Variants in PIWIL2 observed in about 807,000 individuals in gnomAD.
PIWIL2 encodes piwi like RNA-mediated gene silencing 2, also known as piwi-like protein 2.
Under a neutral mutation model 116.5 loss-of-function variants are expected in PIWIL2, and 81 were observed. The observed-to-expected ratio is 0.70, with a 90% confidence interval of 0.58 to 0.84. PIWIL2 has a LOEUF of 0.84. Among genes scored for constraint, PIWIL2 ranks in the 40% least tolerant of loss-of-function variants. The pLI is 0.00. For missense variants in PIWIL2, 1,272 were observed against 1,212.3 expected (o/e 1.05, Z -0.73); for synonymous variants, 489 against 429.5 (o/e 1.14, Z -1.71).
At chr8:22,288,509 A>G (rs372475561) in intron 7 of PIWIL2, 33 bp from the exon 8 acceptor site, 119 of 1,589,440 alleles carry the variant, frequency 7.5e-5, no homozygotes, top group Non-Finnish European at 9.1e-5. Flanking sequence ...TAGTTTTGTC[A>G]TTTTGTTTCA....
chr8:22,313,737 T>C (rs1831388132), intron 16 of PIWIL2, among the ~76,000 whole-genome samples: 1 of 152,188 alleles, frequency 6.6e-6, no homozygotes, highest in African/African-American at 2.4e-5. Context: ...CTTTTTTCAA[T>C]ATTGGATTCC....
At chr8:22,302,468 T>C (rs1831074094) in intron 10 of PIWIL2, among the ~76,000 whole-genome samples, 1 of 152,212 alleles carries the variant, frequency 6.6e-6, no homozygotes, top group South Asian at 2.1e-4. Context: ...TGTGAGCTAC[T>C]GCGCCCAGCC....
chr8:22,280,891 C>T (rs1294767056), intron 2 of PIWIL2, among the ~76,000 whole-genome samples: 3 of 152,078 alleles, frequency 2.0e-5, no homozygotes, highest in Non-Finnish European at 4.4e-5. Flanking sequence ...TGTTCTGTTG[C>T]ATTTTGTTAT....
intron 16 of PIWIL2, among the ~76,000 whole-genome samples, chr8:22,312,759 G>A (rs1831364377): frequency 6.6e-6 from 1 of 152,068 alleles, no homozygotes; most frequent in African/African-American, 2.4e-5. Flanking sequence ...TCCTGCCTCA[G>A]CCTTCTGAGT....
intron 20 of PIWIL2, among the ~76,000 whole-genome samples, chr8:22,345,045 G>A (rs900028849): frequency 2.0e-5 from 3 of 152,206 alleles, no homozygotes; most frequent in African/African-American, 7.2e-5. Context: ...GGGCTTAGAG[G>A]TGCAAGCCTG....
rs1218303089 is a variant in PIWIL2, at chr8:22,347,516, C to CTTTTTT, written c.2404-5424_2404-5419dup. Among the ~76,000 whole-genome samples, 61 of 98,476 alleles carry CTTTTTT rather than the reference C, an allele frequency of 6.2e-4. 1 individual carries two copies. The highest frequency in any genetic ancestry group is 8.3e-4 in the African/African-American group (23 of 27,566). The allele number at this position is 98,476 out of a possible 152,430, so 64.6% of individuals were successfully genotyped here. ...ACAGGCGTGAGCCACTGTGCCTGGC[C>CTTTTTT]TTTTTTTTTTTTTTTTTTTTTTTTA... On this transcript the variant is annotated intron_variant, in intron 20 of 22. Transcript: ENST00000356766.
intron 10 of PIWIL2, among the ~76,000 whole-genome samples, chr8:22,294,148 G>T (rs137996697): frequency 0.031 from 4,638 of 151,666 alleles, 106 homozygotes; most frequent in African/African-American, 0.065. Flanking sequence ...GACCAGCCTG[G>T]CCAACATGGT....
intron 1 of PIWIL2, among the ~76,000 whole-genome samples, chr8:22,278,716 G>A (rs1433589817): frequency 6.6e-6 from 1 of 152,212 alleles, no homozygotes; most frequent in Non-Finnish European, 1.5e-5. Flanking sequence ...ATTGGCAAAT[G>A]AGCAAAGCTT....
At chr8:22,318,092 T>TC in intron 19 of PIWIL2, 78 bp from the exon 20 acceptor site, 1 of 828,976 alleles carries the variant, frequency 1.2e-6, no homozygotes, top group Non-Finnish European at 2.0e-6. Flanking sequence ...CCTGTGTTAC[T>TC]GACATAAGCC....
chr8:22,290,507 T>G (rs1427577300), intron 10 of PIWIL2, among the ~76,000 whole-genome samples, 161 bp downstream of exon 10: 3 of 152,134 alleles, frequency 2.0e-5, no homozygotes, highest in Admixed American at 2.0e-4. Context: ...AGTGGTTTGA[T>G]CATAGCTCGC....
chr8:22,354,132 G>C, intron 21 of PIWIL2, 139 bp from the exon 22 acceptor site: 1 of 624,620 alleles, frequency 1.6e-6, no homozygotes, highest in East Asian at 2.8e-5. Flanking sequence ...TCTAATCCTG[G>C]TCTGGCCTCT....
chr8:22,308,163 G>T, intron 14 of PIWIL2, 90 bp downstream of exon 14: 3 of 1,051,508 alleles, frequency 2.9e-6, no homozygotes, highest in South Asian at 2.2e-5. Flanking sequence ...AGTATATTTT[G>T]AATGTTTGTC....
At chr8:22,323,621 G>C (rs143576209) in intron 20 of PIWIL2, among the ~76,000 whole-genome samples, 3 of 152,228 alleles carry the variant, frequency 2.0e-5, no homozygotes, top group African/African-American at 7.2e-5. Flanking sequence ...ATCATCATAA[G>C]ACTTGTTTAC....
rs748340113 is a variant in PIWIL2, at chr8:22,281,486, G to T, written c.396G>T (p.Lys132Asn). ...AAGTGTTGGCGGCTGGGGACAGCAAGATGGCAGAGACCTCCGTTGGTTGGA... is the reference window on the plus strand; with the variant it reads ...AAGTGTTGGCGGCTGGGGACAGCAATATGGCAGAGACCTCCGTTGGTTGGA... Reference protein sequence around the residue: ...DPKVLAAGDSKMAETSVGWSR... With the variant: ...DPKVLAAGDSNMAETSVGWSR... The change falls in exon 4 of 23, where the codon AAG (lysine) becomes AAT (asparagine). Residue 132 changes from lysine (K) to asparagine (N), a missense_variant. Lys to Asn is a moderately conservative substitution (Grantham distance 94). Transcript: ENST00000356766. 8.8e-6 allele frequency: 14 copies of T among 1,592,592 alleles called. No individual in the cohort carries two copies. In the East Asian group the frequency reaches 3.1e-4, roughly 36 times the overall value.
chr8:22,310,715 C>T (rs1831307835), intron 15 of PIWIL2, among the ~76,000 whole-genome samples: 1 of 152,118 alleles, frequency 6.6e-6, no homozygotes, highest in Admixed American at 6.6e-5. Flanking sequence ...CTCCCAGTTC[C>T]TGCCTATCCC....
chr8:22,352,919 G>C, intron 20 of PIWIL2, 40 bp from the exon 21 acceptor site: 1 of 1,583,738 alleles, frequency 6.3e-7, no homozygotes, highest in East Asian at 2.2e-5. Flanking sequence ...TCCGTAGCCT[G>C]AGGGCTCTGT....
intron 14 of PIWIL2, among the ~76,000 whole-genome samples, chr8:22,308,554 G>A (rs1831244994): frequency 6.6e-6 from 1 of 152,166 alleles, no homozygotes; most frequent in Non-Finnish European, 1.5e-5. Context: ...TCAGGAGGCT[G>A]AGGTAGGAGA....
At chr8:22,318,436 G>A (rs1016544348) in intron 20 of PIWIL2, among the ~76,000 whole-genome samples, 161 bp downstream of exon 20, 7 of 152,056 alleles carry the variant, frequency 4.6e-5, no homozygotes, top group Non-Finnish European at 1.0e-4. Context: ...TCCTGCCTCA[G>A]CCTTCCAAGT....
intron 12 of PIWIL2, among the ~76,000 whole-genome samples, chr8:22,305,392 C>T (rs1381598203): frequency 6.6e-6 from 1 of 152,006 alleles, no homozygotes; most frequent in East Asian, 1.9e-4. Flanking sequence ...CGGGGTTTCA[C>T]CGTGTTAGCC....
Sources: gnomAD v4.1 joint callset for allele counts (sites outside exome capture counted in the v4.1 genomes callset) on GRCh38, gnomAD v4.1.1 for gene constraint, MANE v1.5 for transcripts, NCBI Gene and HGNC (gene_info 2026-07-23, HGNC 2026-07-21) for gene names.